TACC2: variants seen among roughly 807,000 people sequenced by gnomAD.
The protein encoded by TACC2 is transforming acidic coiled-coil containing protein 2.
Under a neutral mutation model 227.3 loss-of-function variants are expected in TACC2, and 137 were observed. That is an observed-to-expected ratio of 0.60 (90% CI 0.52 to 0.69). The LOEUF (loss-of-function observed/expected upper bound fraction) is 0.69, where lower values mean the gene tolerates loss of function less well. Among genes scored for constraint, TACC2 ranks in the 30% least tolerant of loss-of-function variants. The pLI, the probability that TACC2 is intolerant of heterozygous loss-of-function variation, is 0.00. For synonymous variants in TACC2, 1,523 were observed against 1,487.5 expected, an observed-to-expected ratio of 1.02 and a Z score of -0.55; for missense variants, 3,470 against 3,694.4, an observed-to-expected ratio of 0.94 and a Z score of 1.57.
At chr10:122,151,734 G>A (rs2092063439) in intron 7 of TACC2, among the ~76,000 whole-genome samples, 2 of 152,218 alleles carry the variant, frequency 1.3e-5, no homozygotes, top group South Asian at 4.1e-4. Context: ...TGTGGTCCAA[G>A]TGGGAGACAG....
Position 122,224,706 on chromosome 10 carries a change from G to GT in TACC2, c.7547-17dup. The GT allele has an allele frequency of 6.2e-7, 1 of 1,612,238 alleles. No homozygotes were observed. Among genetic ancestry groups the GT allele is most frequent in the Non-Finnish European group, 8.5e-7 (1 of 1,178,832 alleles). On this transcript the variant is annotated intron_variant, in intron 11 of 22. Coordinates refer to ENST00000369005, the MANE Select transcript of TACC2 (RefSeq NM_206862.4). ...TCACCTTTTGTTTTTTTGTGTTTGT[G>GT]TTTGTTTTTGTTTTTGCAGAGTTGG...
chr10:121,992,052 G>A (rs776434353), intron 1 of TACC2, among the ~76,000 whole-genome samples: 1 of 152,154 alleles, frequency 6.6e-6, no homozygotes, highest in Non-Finnish European at 1.5e-5. Flanking sequence ...CTCCCACCAG[G>A]TCCTTCCTGC....
At chr10:122,023,827 A>AAG (rs1957646924) in intron 2 of TACC2, 1 of 149,424 alleles carries the variant, frequency 6.7e-6, no homozygotes, top group Admixed American at 6.7e-5. Context: ...GAGGGGGGGG[A>AAG]AAAAAAAAGA....
chr10:122,165,062 C>T (rs563281427), intron 7 of TACC2, among the ~76,000 whole-genome samples: 1 of 152,118 alleles, frequency 6.6e-6, no homozygotes, highest in Non-Finnish European at 1.5e-5. Context: ...AGCTCTTTAG[C>T]AGGGAGTCAT....
chr10:122,088,559 A>G lies in TACC2; in HGVS notation c.5541A>G (p.Ser1847=), dbSNP rs769204792. 1 of 1,613,750 alleles carries G rather than the reference A, an allele frequency of 6.2e-7. No individual in the cohort carries two copies. Among genetic ancestry groups the G allele is most frequent in the Non-Finnish European group, 8.5e-7 (1 of 1,179,880 alleles). ...CAAGAGTCATGGATAAAGTCACTTCAGATGAGACCAGAGGTGCGGAAGGAA... is the reference window on the plus strand; with the variant it reads ...CAAGAGTCATGGATAAAGTCACTTCGGATGAGACCAGAGGTGCGGAAGGAA... ...DAPRVMDKVT[S]DETRGAEGTE... The change falls in exon 5 of 23, where the codon TCA becomes TCG. Residue 1847 remains serine, a synonymous_variant. Transcript: ENST00000369005.
rs1320631404 is a variant in TACC2 at position 122,050,535 on chromosome 10, A to T, written c.131A>T (p.His44Leu). The T allele has an allele frequency of 2.0e-5, 33 of 1,613,816 alleles. No individual in the cohort carries two copies. The highest frequency in any genetic ancestry group is 2.7e-5 in the Non-Finnish European group (32 of 1,179,974). Reference sequence around the variant, plus strand: ...CAGGACACGCCCGGAAGCCCTGACCACAGAGACGCGTCCAGGTAGGAGGCC... The same window carrying T: ...CAGGACACGCCCGGAAGCCCTGACCTCAGAGACGCGTCCAGGTAGGAGGCC... ...KQQDTPGSPD[H>L]RDASSIGSVG... The change falls in exon 3 of 23, where the codon CAC becomes CTC. Residue 44 changes from histidine (H) to leucine (L), a missense_variant. By Grantham distance (99) the His-to-Leu change is moderately conservative. This residue lies in a region of TACC2 where 405 missense variants were observed against 389.6 expected (regional missense o/e 1.04). Coordinates refer to ENST00000369005, the MANE Select transcript of TACC2 (RefSeq NM_206862.4). This position sits in a 1 kb window ranked among gnomAD's most constrained non-coding sequence, Gnocchi z 4.6.
chr10:122,250,368 G>T (rs2096229528), intron 22 of TACC2, among the ~76,000 whole-genome samples: 1 of 152,216 alleles, frequency 6.6e-6, no homozygotes, highest in Non-Finnish European at 1.5e-5. Flanking sequence ...TGAGCCTTGG[G>T]GTTCCCCTGC....
chr10:122,031,397 C>CTTTTTTTTTT (rs758476678), intron 2 of TACC2, among the ~76,000 whole-genome samples: 1 of 91,738 alleles, frequency 1.1e-5, no homozygotes, highest in African/African-American at 4.8e-5. Context: ...GGTCTAGCCT[C>CTTTTTTTTTT]TTTTTTTTTT....
At chr10:122,184,097 G>A (rs1174391597) in intron 7 of TACC2, among the ~76,000 whole-genome samples, 6 of 152,292 alleles carry the variant, frequency 3.9e-5, no homozygotes, top group Non-Finnish European at 7.3e-5. Context: ...GTGAGCGGCC[G>A]TGGGGTTATT....
chr10:122,061,582 A>G (rs2076829888), intron 3 of TACC2, among the ~76,000 whole-genome samples: 1 of 152,124 alleles, frequency 6.6e-6, no homozygotes, highest in South Asian at 2.1e-4. Flanking sequence ...TGCTTCAGGG[A>G]CAGCTCATTT....
intron 5 of TACC2, among the ~76,000 whole-genome samples, chr10:122,112,053 T>TCG (rs2083703790): frequency 1.3e-5 from 2 of 152,192 alleles, no homozygotes; most frequent in South Asian, 4.1e-4. Context: ...CATTAGGGGC[T>TCG]CGTAAGATCT....
chr10:122,181,784 T>C (rs574204589), intron 7 of TACC2, among the ~76,000 whole-genome samples: 4 of 152,228 alleles, frequency 2.6e-5, no homozygotes, highest in Non-Finnish European at 5.9e-5. Flanking sequence ...GAGAGAACAG[T>C]GTGAAAACAT....
rs749414532 is a variant in TACC2 at position 122,084,999 on chromosome 10, C to T, written c.2499C>T (p.Ser833=). The T allele has an allele frequency of 4.3e-6, 7 of 1,614,030 alleles. No individual in the cohort carries two copies. The highest frequency in any genetic ancestry group is 1.6e-4 in the Middle Eastern group (1 of 6,084). The part of the protein sequence containing the change: ...LLSSEKHLQP[S]QAQPETSIFD... ...CTTCTGAGAAGCATCTCCAGCCATC[C>T]CAGGCACAACCAGAGACATCCATCT... Residue 833 remains serine (S), a synonymous_variant, in exon 4 of 23, where the codon TCC becomes TCT. Transcript: ENST00000369005.
chr10:122,005,442 T>G (rs1313349969), intron 1 of TACC2, among the ~76,000 whole-genome samples: 11 of 147,456 alleles, frequency 7.5e-5, no homozygotes, highest in African/African-American at 2.8e-4. Flanking sequence ...TGGAGTGCAG[T>G]GGCATGATCT....
At chr10:122,232,477 A>G (rs1272558382) in intron 16 of TACC2, among the ~76,000 whole-genome samples, 1 of 152,200 alleles carries the variant, frequency 6.6e-6, no homozygotes, top group East Asian at 1.9e-4. Flanking sequence ...ATGTGCCCCA[A>G]TTCTGAGTTA....
At chr10:122,155,818 G>A (rs563447659) in intron 7 of TACC2, among the ~76,000 whole-genome samples, 106 of 149,190 alleles carry the variant, frequency 7.1e-4, no homozygotes, top group Admixed American at 1.2e-3. Flanking sequence ...AAGTTTTATG[G>A]TTAATAGTGG....
At chr10:122,117,629 C>T (rs1411440552) in intron 5 of TACC2, among the ~76,000 whole-genome samples, 2 of 152,200 alleles carry the variant, frequency 1.3e-5, no homozygotes, top group African/African-American at 4.8e-5. Context: ...CCCATTGGCT[C>T]ATCTCAGGTT....
Position 122,197,836 on chromosome 10 carries a change from G to A in TACC2, c.5971+2660G>A, listed in dbSNP as rs1329841493. 3.3e-5 allele frequency among the ~76,000 whole-genome samples: 5 copies of A among 152,198 alleles called. No homozygotes were observed. The South Asian group carries it at 8.3e-4, about 25-fold the overall frequency. ...GATTTGCTGCCCTGGTTAGAAAACC[G>A]CCTCCCAGGCGGAGGGTCCCCTCGT... On this transcript the variant is annotated intron_variant, in intron 8 of 22. Coordinates refer to ENST00000369005, the MANE Select transcript of TACC2 (RefSeq NM_206862.4).
intron 16 of TACC2, among the ~76,000 whole-genome samples, chr10:122,233,803 C>CGGCT (rs2095804996): frequency 6.6e-6 from 1 of 152,022 alleles, no homozygotes; most frequent in Non-Finnish European, 1.5e-5. Context: ...TGGGCAGGAG[C>CGGCT]GGCTGGCTGT....
Sources: allele counts gnomAD v4.1 joint callset (sites outside exome capture counted in the v4.1 genomes callset), GRCh38; gene constraint gnomAD v4.1.1; regional missense constraint gnomAD v4.1.1; non-coding constraint Gnocchi (gnomAD v3.1); transcripts MANE v1.5; gene names NCBI Gene and HGNC (gene_info 2026-07-23, HGNC 2026-07-21).